Variants in SLC5A1 observed in about 807,000 individuals in gnomAD.
SLC5A1 encodes the protein sodium/glucose cotransporter 1.
A neutral mutation model predicts 73.5 loss-of-function variants in SLC5A1; 42 were observed. That is an observed-to-expected ratio of 0.57 (90% CI 0.45 to 0.74). SLC5A1 has a LOEUF of 0.74. Ranked by LOEUF, SLC5A1 falls within the 30% of genes least tolerant of loss-of-function variation. SLC5A1 has a pLI of 0.00. For missense variants in SLC5A1, 634 were observed against 855.4 expected (o/e 0.74, Z 3.23); for synonymous variants, 300 against 317.4 (o/e 0.95, Z 0.58).
rs1177304669 is a variant in SLC5A1 at position 32,112,748 on chromosome 22, G to C, written c.*2535G>C. 11 of 152,176 alleles carry C rather than the reference G, an allele frequency of 7.2e-5. No homozygotes were observed. Among genetic ancestry groups the C allele is most frequent in the Non-Finnish European group, 2.9e-5 (2 of 68,040 alleles). 9.4% of individuals were successfully genotyped at this position (152,176 alleles called of 1,614,324 possible). ...AGGGCTGGGGGAGGGAGGGACTGGG[G>C]AGATGTTGGTCAAATGATACAAAGG... is the stretch of plus-strand genomic sequence containing the variant. On this transcript the variant is annotated 3_prime_UTR_variant, in exon 15 of 15. Coordinates refer to ENST00000266088, the MANE Select transcript of SLC5A1 (RefSeq NM_000343.4).
intron 13 of SLC5A1, among the ~76,000 whole-genome samples, chr22:32,104,353 T>C (rs1363448514): frequency 6.6e-6 from 1 of 152,238 alleles, no homozygotes; most frequent in Admixed American, 6.5e-5. Context: ...AGCTCTACCA[T>C]ATTCTATTAT....
Position 32,099,490 on chromosome 22 carries a change from GA to G in SLC5A1, c.1449+142del. 5 of 890,754 alleles carry G rather than the reference GA, an allele frequency of 5.6e-6. No homozygotes were observed. The Admixed American group carries it at 7.5e-5, about 13-fold the overall frequency. The allele number at this position is 890,754 out of a possible 1,614,324, so 55.2% of individuals were successfully genotyped here. On this transcript the variant is annotated intron_variant, in intron 12 of 14. Coordinates refer to ENST00000266088, the MANE Select transcript of SLC5A1 (RefSeq NM_000343.4). ...GGATGTGCTGCTGAGGGTTTGTAGGGAAAGCCTCCAGGGACCATGGGGCTCT... is the reference window on the plus strand; with the variant it reads ...GGATGTGCTGCTGAGGGTTTGTAGGGAAGCCTCCAGGGACCATGGGGCTCT...
chr22:32,084,995 C>T lies in SLC5A1; in HGVS notation c.981C>T (p.Ile327=), dbSNP rs746335211. ...CGYLKLMPMF[I]MVMPGMISRI... ...ATCTAAAGCTGATGCCCATGTTCAT[C>T]ATGGTGATGCCAGGAATGATCAGCC... The change falls in exon 9 of 15, where the codon ATC becomes ATT. Residue 327 remains isoleucine, a synonymous_variant. Transcript: ENST00000266088. The T allele has an allele frequency of 2.5e-6, 4 of 1,614,176 alleles. No homozygotes were observed. The highest frequency in any genetic ancestry group is 1.3e-5 in the African/African-American group (1 of 75,052).
chr22:32,051,816 C>T (rs1446419793), intron 2 of SLC5A1, among the ~76,000 whole-genome samples: 1 of 152,206 alleles, frequency 6.6e-6, no homozygotes, highest in Admixed American at 6.5e-5. Context: ...CAATCTCTGT[C>T]ACAACTATTC....
intron 1 of SLC5A1, among the ~76,000 whole-genome samples, 173 bp from the exon 2 acceptor site, chr22:32,049,770 G>A (rs1216949808): frequency 1.3e-5 from 2 of 152,078 alleles, no homozygotes; most frequent in Admixed American, 6.6e-5. Flanking sequence ...TCAAATGTAG[G>A]TTCCTGCCTC....
At chr22:32,067,936 A>C (rs1247356306) in intron 3 of SLC5A1, 31 bp from the exon 4 acceptor site, 2 of 1,613,048 alleles carry the variant, frequency 1.2e-6, no homozygotes, top group Non-Finnish European at 1.7e-6. Context: ...GTTTCCTCCT[A>C]ATTTGAGTCC....
At chr22:32,067,612 TA>T (rs1162781916) in intron 3 of SLC5A1, among the ~76,000 whole-genome samples, 3 of 152,018 alleles carry the variant, frequency 2.0e-5, no homozygotes, top group African/African-American at 7.2e-5. Context: ...CCTCTAATAA[TA>T]ATAGTAGTCG....
Position 32,059,179 on chromosome 22 carries a change from C to A in SLC5A1, c.208-7756C>A, listed in dbSNP as rs1202542117. The A allele has an allele frequency of 3.0e-6, 3 of 984,752 alleles. 1 individual carries two copies. The highest frequency in any genetic ancestry group is 1.2e-4 in the Admixed American group (2 of 16,218). 61.0% of individuals were successfully genotyped at this position (984,752 alleles called of 1,614,324 possible). A position where few individuals can be genotyped will look rare whatever the true frequency, so the allele number is the denominator to read the frequency against. ...CTGAGAGGCAGAAGTTACAGTGAGC[C>A]GAGATCATGCCACTGCACTCCTGCC... On this transcript the variant is annotated intron_variant, in intron 2 of 14. Coordinates refer to ENST00000266088, the MANE Select transcript of SLC5A1 (RefSeq NM_000343.4).
Position 32,108,626 on chromosome 22 carries a change from G to T in SLC5A1, c.1772-1364G>T, listed in dbSNP as rs16989876. Reference sequence around the variant, plus strand: ...TTAGGAGTATTTTGAGTGTCAAAAGGTCTCATTGTGGTAGAGGCTCTACCA... The same window carrying T: ...TTAGGAGTATTTTGAGTGTCAAAAGTTCTCATTGTGGTAGAGGCTCTACCA... On this transcript the variant is annotated intron_variant, in intron 14 of 14. Transcript: ENST00000266088. 3.5e-3 allele frequency among the ~76,000 whole-genome samples: 534 copies of T among 152,188 alleles called. 6 individuals are homozygous for T. The highest frequency in any genetic ancestry group is 0.012 in the African/African-American group (512 of 41,496).
At chr22:32,073,681 T>G (rs1385935731) in intron 5 of SLC5A1, among the ~76,000 whole-genome samples, 1 of 152,004 alleles carries the variant, frequency 6.6e-6, no homozygotes, top group Non-Finnish European at 1.5e-5. Flanking sequence ...CTCAGCCTCC[T>G]GAGTAGCTGG....
At chr22:32,090,811 A>G (rs930776632) in intron 10 of SLC5A1, among the ~76,000 whole-genome samples, 26 of 152,076 alleles carry the variant, frequency 1.7e-4, no homozygotes, top group African/African-American at 6.3e-4. Flanking sequence ...TGACTGACCC[A>G]GACTATTTTC....
intron 7 of SLC5A1, 92 bp from the exon 8 acceptor site, chr22:32,084,347 G>C: frequency 9.0e-7 from 1 of 1,107,400 alleles, no homozygotes; most frequent in African/African-American, 1.5e-5. Flanking sequence ...CTGTGGGTTG[G>C]GTCCTCTCAG....
intron 5 of SLC5A1, among the ~76,000 whole-genome samples, chr22:32,072,857 T>C (rs1013741723): frequency 6.6e-6 from 1 of 152,210 alleles, no homozygotes; most frequent in Non-Finnish European, 1.5e-5. Flanking sequence ...CTGGCCTACA[T>C]GAATAAACAT....
At chr22:32,050,914 G>T (rs2093944323) in intron 2 of SLC5A1, among the ~76,000 whole-genome samples, 1 of 152,174 alleles carries the variant, frequency 6.6e-6, no homozygotes, top group African/African-American at 2.4e-5. Flanking sequence ...CTGGTTGGTG[G>T]CCCAGGATTC....
intron 2 of SLC5A1, among the ~76,000 whole-genome samples, chr22:32,061,618 A>G (rs1016965899): frequency 6.6e-6 from 1 of 152,200 alleles, no homozygotes; most frequent in Non-Finnish European, 1.5e-5. Flanking sequence ...CTAAATTGCA[A>G]TGGGAGGAAA....
intron 1 of SLC5A1, among the ~76,000 whole-genome samples, chr22:32,048,499 A>T (rs1603100929): frequency 1.3e-5 from 2 of 152,292 alleles, no homozygotes; most frequent in Middle Eastern, 3.4e-3. Context: ...GGCATTTGTG[A>T]GTGGGTGTTC....
intron 2 of SLC5A1, 132 bp from the exon 3 acceptor site, chr22:32,066,801 GCA>G (rs1333379712): frequency 2.9e-6 from 2 of 695,156 alleles, no homozygotes; most frequent in East Asian, 2.8e-5. Context: ...GATGATTCCA[GCA>G]CAGTTTTCTC....
chr22:32,053,508 C>T (rs992538060), intron 2 of SLC5A1, among the ~76,000 whole-genome samples: 3 of 152,008 alleles, frequency 2.0e-5, no homozygotes, highest in Non-Finnish European at 2.9e-5. Context: ...CTGATTAATA[C>T]ACAACCACTC....
intron 2 of SLC5A1, among the ~76,000 whole-genome samples, chr22:32,058,472 A>G (rs1446644895): frequency 2.6e-5 from 4 of 152,202 alleles, no homozygotes; most frequent in South Asian, 2.1e-4. Context: ...TGACATAGCA[A>G]TGAACATACT....
Sources: gnomAD v4.1 joint callset for allele counts (sites outside exome capture counted in the v4.1 genomes callset) on GRCh38, gnomAD v4.1.1 for gene constraint, MANE v1.5 for transcripts, NCBI Gene and HGNC (gene_info 2026-07-23, HGNC 2026-07-21) for gene names.